Variants in GUCY1A2 observed in about 807,000 individuals in gnomAD.
GUCY1A2 encodes guanylate cyclase soluble subunit alpha-2.
In GUCY1A2, 27 loss-of-function variants were observed where a neutral mutation model predicts 63.5. The ratio of observed to expected loss-of-function variants is 0.43; its 90% CI spans 0.31 to 0.59. The LOEUF (loss-of-function observed/expected upper bound fraction) is 0.59, where lower values mean the gene tolerates loss of function less well. Among genes scored for constraint, GUCY1A2 ranks in the 20% least tolerant of loss-of-function variants. The pLI, the probability that GUCY1A2 is intolerant of heterozygous loss-of-function variation, is 0.11. For synonymous variants in GUCY1A2, 364 were observed against 343.5 expected, an observed-to-expected ratio of 1.06 and a Z score of -0.66; for missense variants, 768 against 913.3, an observed-to-expected ratio of 0.84 and a Z score of 2.05.
rs547315807 is a variant in GUCY1A2 at position 106,746,395 on chromosome 11, G to A, written c.1836+30044C>T. Among the ~76,000 whole-genome samples the A allele has an allele frequency of 4.6e-5, 7 of 152,228 alleles. No individual in the cohort carries two copies. The East Asian group carries it at 5.8e-4, about 13-fold the overall frequency. ...TGCTCTAAATAATATTTGGGACAAAGTAGAGTCTCAACAAACTACCAGTAC... is the reference window on the plus strand; with the variant it reads ...TGCTCTAAATAATATTTGGGACAAAATAGAGTCTCAACAAACTACCAGTAC... On this transcript the variant is annotated intron_variant, in intron 6 of 7. Coordinates refer to ENST00000526355, the MANE Select transcript of GUCY1A2 (RefSeq NM_000855.3).
At position 106,957,538 on chromosome 11, in the gene GUCY1A2, TC is replaced by T. The variant is rs1861003137; in HGVS notation, c.488-17361del. On this transcript the variant is annotated intron_variant, in intron 3 of 7. Coordinates refer to ENST00000526355, the MANE Select transcript of GUCY1A2 (RefSeq NM_000855.3). ...CCTCCTTTGGCTTGGGGAAGGGGCT[TC>T]CCCTTCCCCGTGTGGCTCTCAGGTG... Among the ~76,000 whole-genome samples, 3 of 151,534 alleles carry T rather than the reference TC, an allele frequency of 2.0e-5. No homozygotes were observed. The South Asian group carries it at 6.3e-4, about 32-fold the overall frequency.
chr11:107,007,004 G>C (rs1377092194), intron 1 of GUCY1A2, among the ~76,000 whole-genome samples: 1 of 152,120 alleles, frequency 6.6e-6, no homozygotes, highest in Non-Finnish European at 1.5e-5. Context: ...AACACAACCT[G>C]AAATGTTTTG....
At position 106,951,776 on chromosome 11, in the gene GUCY1A2, A is replaced by T. The variant is rs187953755; in HGVS notation, c.488-11598T>A. ...CTTGTCAATTTTGGATTTTGTCGCA[A>T]TTGCTTTTGGTGTTTTTGTCATGAA... is the stretch of plus-strand genomic sequence containing the variant. On this transcript the variant is annotated intron_variant, in intron 3 of 7. Transcript: ENST00000526355. Among the ~76,000 whole-genome samples the T allele has an allele frequency of 1.3e-3, 197 of 152,220 alleles. 1 individual carries two copies. The highest frequency in any genetic ancestry group is 4.6e-3 in the African/African-American group (192 of 41,516).
chr11:106,905,024 T>A (rs894477069), intron 4 of GUCY1A2, among the ~76,000 whole-genome samples: 7 of 152,092 alleles, frequency 4.6e-5, no homozygotes, highest in Non-Finnish European at 8.8e-5. Context: ...ATATCCTGAG[T>A]GTCAGAAAAG....
chr11:106,722,377 A>T (rs1863331515), intron 6 of GUCY1A2, among the ~76,000 whole-genome samples: 2 of 152,026 alleles, frequency 1.3e-5, no homozygotes, highest in Non-Finnish European at 2.9e-5. Flanking sequence ...AGCTATTTTT[A>T]AAAAACTAGT....
In GUCY1A2 at chr11:106,873,917, GT is replaced by G. The variant is rs552554643; in HGVS notation, c.1207-63440del. Among the ~76,000 whole-genome samples the G allele has an allele frequency of 4.8e-3, 729 of 152,206 alleles. 25 individuals are homozygous for G. Among genetic ancestry groups the G allele is most frequent in the Non-Finnish European group, 9.9e-4 (67 of 68,010 alleles). On this transcript the variant is annotated intron_variant, in intron 4 of 7. Transcript: ENST00000526355. ...GTCTATGAACTCTCCATGTCTCCAT[GT>G]TTTTGCATATTGTCTCCTCTGCCTA...
intron 4 of GUCY1A2, among the ~76,000 whole-genome samples, chr11:106,830,416 G>A (rs182859799): frequency 6.6e-6 from 1 of 152,306 alleles, no homozygotes; most frequent in East Asian, 1.9e-4. Context: ...TATTGTTCCT[G>A]GGTGTGTCTG....
chr11:106,750,320 G>T (rs368601010), intron 6 of GUCY1A2, among the ~76,000 whole-genome samples: 20 of 152,184 alleles, frequency 1.3e-4, no homozygotes, highest in South Asian at 6.2e-4. Flanking sequence ...ATTGGATGAT[G>T]CTAACCCACA....
At position 106,741,939 on chromosome 11, in the gene GUCY1A2, A is replaced by T. The variant is rs559361432; in HGVS notation, c.1837-33273T>A. Among the ~76,000 whole-genome samples the T allele has an allele frequency of 7.2e-5, 11 of 152,328 alleles. No homozygotes were observed. In the East Asian group the frequency reaches 2.1e-3, roughly 29 times the overall value. On this transcript the variant is annotated intron_variant, in intron 6 of 7. Coordinates refer to ENST00000526355, the MANE Select transcript of GUCY1A2 (RefSeq NM_000855.3). ...ATAGTGCATACAGCTAGACAGATAA[A>T]ACTGAATGAAGTTATGACATTTGCA...
chr11:106,927,297 C>T (rs1262121533), intron 4 of GUCY1A2, among the ~76,000 whole-genome samples: 1 of 151,184 alleles, frequency 6.6e-6, no homozygotes, highest in Admixed American at 6.6e-5. Flanking sequence ...GGCACGAACC[C>T]GGGGGGCGGA....
rs1862343048 is a variant in GUCY1A2 at position 106,676,193 on chromosome 11, T to A, written c.*11356A>T. 5.5e-6 allele frequency: 1 copy of A among 181,466 alleles called. No individual in the cohort carries two copies. The highest frequency in any genetic ancestry group is 2.0e-4 in the South Asian group (1 of 5,082). The allele number at this position is 181,466 out of a possible 1,614,324, so 11.2% of individuals were successfully genotyped here. ...AATTCTTTAAATCTTGTTCAAGATTTGTTCAAATTATTATAAAGTCAATTA... is the reference window on the plus strand; with the variant it reads ...AATTCTTTAAATCTTGTTCAAGATTAGTTCAAATTATTATAAAGTCAATTA... On this transcript the variant is annotated 3_prime_UTR_variant, in exon 8 of 8. Transcript: ENST00000526355.
At chr11:106,706,153 A>AAAAC (rs1862906248) in intron 7 of GUCY1A2, among the ~76,000 whole-genome samples, 1 of 152,240 alleles carries the variant, frequency 6.6e-6, no homozygotes, top group African/African-American at 2.4e-5. Flanking sequence ...TCATAATATC[A>AAAAC]AAACAGTCCA....
chr11:106,927,199 C>T (rs1860536461), intron 4 of GUCY1A2, among the ~76,000 whole-genome samples: 5 of 151,618 alleles, frequency 3.3e-5, no homozygotes, highest in African/African-American at 9.7e-5. Context: ...CGGTGAAACC[C>T]TGTCTCTACT....
chr11:106,934,665 A>G (rs1387523072), intron 4 of GUCY1A2, among the ~76,000 whole-genome samples: 1 of 152,194 alleles, frequency 6.6e-6, no homozygotes, highest in African/African-American at 2.4e-5. Context: ...AAATGAGAGC[A>G]TATTTCTGGG....
At chr11:106,913,503 G>A (rs1415889631) in intron 4 of GUCY1A2, among the ~76,000 whole-genome samples, 1 of 152,066 alleles carries the variant, frequency 6.6e-6, no homozygotes, top group Non-Finnish European at 1.5e-5. Flanking sequence ...AAAGCACCAA[G>A]CTGGTCAGTC....
intron 3 of GUCY1A2, among the ~76,000 whole-genome samples, chr11:106,973,898 C>T (rs1244113725): frequency 1.3e-5 from 2 of 152,048 alleles, no homozygotes; most frequent in Non-Finnish European, 2.9e-5. Context: ...TAAGTATGTA[C>T]TTGATATAAA....
At chr11:106,917,180 G>A (rs902547094) in intron 4 of GUCY1A2, among the ~76,000 whole-genome samples, 2 of 145,658 alleles carry the variant, frequency 1.4e-5, no homozygotes, top group Non-Finnish European at 3.1e-5. Context: ...CCCCTCTGAG[G>A]AGTTGATATT....
intron 1 of GUCY1A2, among the ~76,000 whole-genome samples, chr11:107,005,257 T>C (rs906487313): frequency 6.6e-6 from 1 of 152,146 alleles, no homozygotes; most frequent in Non-Finnish European, 1.5e-5. Flanking sequence ...ATTTGGTAAT[T>C]TTTTAAATGT....
At chr11:106,709,361 A>AAT (rs1182765969) in intron 6 of GUCY1A2, among the ~76,000 whole-genome samples, 2 of 89,854 alleles carry the variant, frequency 2.2e-5, no homozygotes, top group African/African-American at 4.5e-5. Context: ...TATTTTATAT[A>AAT]ATATATATAA....
Sources: gnomAD v4.1 joint callset for allele counts (sites outside exome capture counted in the v4.1 genomes callset) on GRCh38, gnomAD v4.1.1 for gene constraint, MANE v1.5 for transcripts, NCBI Gene and HGNC (gene_info 2026-07-23, HGNC 2026-07-21) for gene names.